The following ZBTB21 variants were observed in gnomAD, a reference collection of about 807,000 sequenced individuals.
The protein encoded by ZBTB21 is zinc finger and BTB domain-containing protein 21.
A neutral mutation model predicts 39.8 loss-of-function variants in ZBTB21; 10 were observed. The observed-to-expected ratio is 0.25, with a 90% CI of 0.16 to 0.43. The LOEUF (loss-of-function observed/expected upper bound fraction) is 0.43, where lower values mean the gene tolerates loss of function less well. ZBTB21 is among the 20% of genes least tolerant of loss of function. The pLI is 1.00. For synonymous variants in ZBTB21, 551 were observed against 498.8 expected, an observed-to-expected ratio of 1.10 and a Z score of -1.40; for missense variants, 1,221 against 1,296.3, an observed-to-expected ratio of 0.94 and a Z score of 0.89.
At chr21:42,002,449 G>A (rs1418628657) in intron 2 of ZBTB21, 1 of 152,136 alleles carries the variant, frequency 6.6e-6, no homozygotes, top group Non-Finnish European at 1.5e-5. Flanking sequence ...ACTGTTTGTG[G>A]CTGGTGGCTG....
chr21:42,010,282 C>G lies in ZBTB21; in HGVS notation c.-109G>C. The G allele has an allele frequency of 2.5e-6, 1 of 398,582 alleles. No homozygotes were observed. Among genetic ancestry groups the G allele is most frequent in the South Asian group, 1.3e-4 (1 of 7,864 alleles). 24.7% of individuals were successfully genotyped at this position (398,582 alleles called of 1,614,324 possible). ...TTCAGTCTCGAGGCAGACGCCGGGC[C>G]CCTTTCCGCTCACACTCGGCTCGCG... is the stretch of plus-strand genomic sequence containing the variant. On this transcript the variant is annotated 5_prime_UTR_variant, in exon 1 of 3. Coordinates refer to ENST00000310826, the MANE Select transcript of ZBTB21 (RefSeq NM_001098402.2).
intron 1 of ZBTB21, among the ~76,000 whole-genome samples, chr21:42,008,437 G>GAACCAGGGAGGCGGAGGTTGCAA (rs1361126234): frequency 2.7e-5 from 4 of 145,726 alleles, no homozygotes; most frequent in East Asian, 2.1e-4. Flanking sequence ...AGAATCGCTT[G>GAACCAGGGAGGCGGAGGTTGCAA]AACCAGGGAG....
chr21:42,008,287 C>T (rs2065904669), intron 1 of ZBTB21, among the ~76,000 whole-genome samples: 1 of 131,834 alleles, frequency 7.6e-6, no homozygotes, highest in Non-Finnish European at 1.5e-5. Context: ...GGGTGGATCA[C>T]GAGGTCAGGA....
chr21:41,994,175 A>G, intron 2 of ZBTB21, 67 bp from the exon 3 acceptor site: 2 of 1,401,328 alleles, frequency 1.4e-6, no homozygotes, highest in Non-Finnish European at 1.9e-6. Flanking sequence ...CCTCAAGAGC[A>G]GGGAACATCA....
chr21:41,992,854 C>T lies in ZBTB21; in HGVS notation c.1242G>A (p.Gln414=), dbSNP rs139126603. The T allele has an allele frequency of 3.2e-5, 52 of 1,614,088 alleles. No homozygotes were observed. In the African/African-American group the frequency reaches 6.5e-4, roughly 20 times the overall value. The part of the protein sequence containing the change: ...PHRLRSFSAS[Q]STDREGASPV... ...GGGAAGCTCCCTCCCTGTCTGTTGA[C>T]TGAGAAGCACTAAAGGACCTGAGGC... Residue 414 remains glutamine (Q), a synonymous_variant, in exon 3 of 3, where the codon CAG becomes CAA. Transcript: ENST00000310826. This position sits in a 1 kb window ranked among gnomAD's most constrained non-coding sequence, Gnocchi z 4.1.
In ZBTB21 at chr21:41,993,162, T is replaced by G. The variant is rs776091446; in HGVS notation, c.934A>C (p.Lys312Gln). 1 of 1,614,092 alleles carries G rather than the reference T, an allele frequency of 6.2e-7. No homozygotes were observed. Among genetic ancestry groups the G allele is most frequent in the African/African-American group, 1.3e-5 (1 of 75,080 alleles). ...CTGGATGGGATCACTAAGCCTAACTTTGAATAGTACAACAAGTTTCTATCT... is the reference window on the plus strand; with the variant it reads ...CTGGATGGGATCACTAAGCCTAACTGTGAATAGTACAACAAGTTTCTATCT... ...GEDRNLLYYSKLGLVIPSSGS... is the reference protein window; with the variant it reads ...GEDRNLLYYSQLGLVIPSSGS... The change falls in exon 3 of 3, where the codon AAG (lysine) becomes CAG (glutamine). Residue 312 changes from lysine to glutamine, a missense_variant. Around this residue, in one of 4 missense-constraint regions of ZBTB21, gnomAD observed 500 missense variants for 465.6 expected, o/e 1.07. Coordinates refer to ENST00000310826, the MANE Select transcript of ZBTB21 (RefSeq NM_001098402.2).
intron 2 of ZBTB21, among the ~76,000 whole-genome samples, chr21:41,997,887 T>C (rs1018529560): frequency 2.6e-5 from 4 of 151,966 alleles, no homozygotes; most frequent in Non-Finnish European, 5.9e-5. Flanking sequence ...TGGCTGATTG[T>C]CCTTGGGTGT....
chr21:41,994,142 T>C (rs1409189421), intron 2 of ZBTB21, 34 bp from the exon 3 acceptor site: 3 of 1,521,768 alleles, frequency 2.0e-6, no homozygotes, highest in Non-Finnish European at 1.8e-6. Context: ...CTACAGATAT[T>C]GCAGTGAAAA....
Position 41,993,406 on chromosome 21 carries a change from A to G in ZBTB21, c.690T>C (p.Asn230=), listed in dbSNP as rs61998172. 1,629 of 1,614,084 alleles carry G rather than the reference A, an allele frequency of 1.0e-3. 3 individuals carry two copies. The highest frequency in any genetic ancestry group is 1.3e-3 in the Non-Finnish European group (1,483 of 1,180,060). ...LEHSGSLDDP[N]RISLVKRNAV... The stretch of plus-strand genomic sequence containing the variant: ...CATTTCTTTTCACCAAACTGATTCT[A>G]TTAGGATCATCCAAAGATCCAGAAT... The change falls in exon 3 of 3, where the codon AAT becomes AAC. Residue 230 remains asparagine (N), a synonymous_variant. Coordinates refer to ENST00000310826, the MANE Select transcript of ZBTB21 (RefSeq NM_001098402.2).
rs143766083 is a variant in ZBTB21 at position 41,991,875 on chromosome 21, C to T, written c.2221G>A (p.Glu741Lys). Reference sequence around the variant, plus strand: ...ACGGCCGCGTTCCGGCACAGCCGCTCGTGGCTTCCTTGCTCTAGGAGAGAA... The same window carrying T: ...ACGGCCGCGTTCCGGCACAGCCGCTTGTGGCTTCCTTGCTCTAGGAGAGAA... ...LSSLLEQGSH[E>K]RLCRNAAVCP... Residue 741 changes from glutamate to lysine, a missense_variant, in exon 3 of 3, where the codon GAG (glutamate) becomes AAG (lysine). Coordinates refer to ENST00000310826, the MANE Select transcript of ZBTB21 (RefSeq NM_001098402.2). This position sits in a 1 kb window ranked among gnomAD's most constrained non-coding sequence, Gnocchi z 4.9. 75 of 1,614,038 alleles carry T rather than the reference C, an allele frequency of 4.6e-5. No individual in the cohort carries two copies. The highest frequency in any genetic ancestry group is 5.3e-5 in the Non-Finnish European group (63 of 1,180,046).
At position 41,990,889 on chromosome 21, in the gene ZBTB21, G is replaced by A. The variant is rs767734131; in HGVS notation, c.*6C>T. 6.9e-7 allele frequency: 1 copy of A among 1,447,958 alleles called. No homozygotes were observed. Among genetic ancestry groups the A allele is most frequent in the Non-Finnish European group, 9.1e-7 (1 of 1,099,986 alleles). 89.7% of individuals were successfully genotyped at this position (1,447,958 alleles called of 1,614,324 possible). ...CTGCCTCCCATAGGTAAAAAGTGTT[G>A]GTCTTTCAATTGTGTGTTTGTTCGT... On this transcript the variant is annotated 3_prime_UTR_variant, in exon 3 of 3. Transcript: ENST00000310826.
rs572655249 is a variant in ZBTB21, at chr21:41,988,113, C to T, written c.*2782G>A. 1 of 152,298 alleles carries T rather than the reference C, an allele frequency of 6.6e-6. No individual in the cohort carries two copies. Among genetic ancestry groups the T allele is most frequent in the Admixed American group, 6.5e-5 (1 of 15,300 alleles). The allele number at this position is 152,298 out of a possible 1,614,324, so 9.4% of individuals were successfully genotyped here. On this transcript the variant is annotated 3_prime_UTR_variant, in exon 3 of 3. Transcript: ENST00000310826. ...TAAAGGTGAATATTCTACAAATCTT[C>T]AAATATTACTGTTAAAATGCACAAT...
chr21:41,995,380 T>C (rs2065732212), intron 2 of ZBTB21, among the ~76,000 whole-genome samples: 1 of 152,170 alleles, frequency 6.6e-6, no homozygotes, highest in Non-Finnish European at 1.5e-5. Context: ...CAAAGGTGAC[T>C]CGTTATGTTT....
chr21:41,996,267 A>C (rs550661063), intron 2 of ZBTB21, among the ~76,000 whole-genome samples: 2 of 152,344 alleles, frequency 1.3e-5, no homozygotes, highest in African/African-American at 4.8e-5. Context: ...AGCCCATAAA[A>C]GCAGCCAGGA....
chr21:42,008,436 T>G (rs1378516488), intron 1 of ZBTB21, among the ~76,000 whole-genome samples: 2 of 147,956 alleles, frequency 1.4e-5, no homozygotes, highest in African/African-American at 5.0e-5. Context: ...GAGAATCGCT[T>G]GAACCAGGGA....
At chr21:41,995,974 AC>A (rs1234100931) in intron 2 of ZBTB21, among the ~76,000 whole-genome samples, 1 of 152,014 alleles carries the variant, frequency 6.6e-6, no homozygotes, top group Non-Finnish European at 1.5e-5. Flanking sequence ...AGGTTTGGGA[AC>A]CTCCGCCTAG....
chr21:41,991,836 T>C lies in ZBTB21; in HGVS notation c.2260A>G (p.Ser754Gly). 1 of 1,614,206 alleles carries C rather than the reference T, an allele frequency of 6.2e-7. No homozygotes were observed. Among genetic ancestry groups the C allele is most frequent in the Non-Finnish European group, 8.5e-7 (1 of 1,180,042 alleles). The change falls in exon 3 of 3, where the codon AGC (serine) becomes GGC (glycine). Residue 754 changes from serine (S) to glycine (G), a missense_variant. Coordinates refer to ENST00000310826, the MANE Select transcript of ZBTB21 (RefSeq NM_001098402.2). The surrounding 1 kb of genome is among the most constrained non-coding windows in gnomAD (Gnocchi z 4.9). ...CRNAAVCPYC[S>G]LRFFSPELKQ... ...AGCTCGGGCGAGAAAAACCTGAGGC[T>C]GCAGTAAGGGCAGACGGCCGCGTTC...
chr21:41,991,048 T>C lies in ZBTB21; in HGVS notation c.3048A>G (p.Glu1016=). The C allele has an allele frequency of 1.9e-6, 3 of 1,588,692 alleles. No individual in the cohort carries two copies. The highest frequency in any genetic ancestry group is 2.6e-6 in the Non-Finnish European group (3 of 1,168,270). Residue 1016 remains glutamate, a synonymous_variant, in exon 3 of 3, where the codon GAA becomes GAG. Coordinates refer to ENST00000310826, the MANE Select transcript of ZBTB21 (RefSeq NM_001098402.2). The surrounding 1 kb of genome is among the most constrained non-coding windows in gnomAD (Gnocchi z 4.9). ...GLSENPTPAT[E]KLFVPQESDT... Reference sequence around the variant, plus strand: ...CTGATTCTTGGGGCACAAACAGTTTTTCTGTGGCTGGAGTTGGGTTTTCGG... The same window carrying C: ...CTGATTCTTGGGGCACAAACAGTTTCTCTGTGGCTGGAGTTGGGTTTTCGG...
At position 41,990,995 on chromosome 21, in the gene ZBTB21, A is replaced by G; in HGVS notation, c.3101T>C (p.Leu1034Pro). Residue 1034 changes from leucine to proline, a missense_variant, in exon 3 of 3, where the codon CTT becomes CCT. By Grantham distance (98) the Leu-to-Pro change is moderately conservative. Transcript: ENST00000310826. ...SDTLFYHAPP[L>P]SAITFKRQFM... ...CTGTCTTTTAAATGTGATTGCTGAA[A>G]GGGGTGGGGCATGGTAAAAAAGGGT... The G allele has an allele frequency of 6.5e-7, 1 of 1,546,014 alleles. No individual in the cohort carries two copies. The highest frequency in any genetic ancestry group is 1.4e-5 in the African/African-American group (1 of 72,446).
Sources: gnomAD v4.1 joint callset for allele counts (sites outside exome capture counted in the v4.1 genomes callset) on GRCh38, gnomAD v4.1.1 for gene constraint, gnomAD v4.1.1 regional missense constraint, Gnocchi (gnomAD v3.1) non-coding constraint, MANE v1.5 for transcripts, NCBI Gene and HGNC (gene_info 2026-07-23, HGNC 2026-07-21) for gene names.